Variants in CLIP2 observed in about 807,000 individuals in gnomAD.
CLIP2 encodes CAP-Gly domain-containing linker protein 2.
Under a neutral mutation model 111.7 loss-of-function variants are expected in CLIP2, and 41 were observed. The observed-to-expected ratio is 0.37, with a 90% CI of 0.29 to 0.48. The LOEUF is 0.48. Ranked by LOEUF, CLIP2 falls within the 20% of genes least tolerant of loss-of-function variation. The pLI, the probability that CLIP2 is intolerant of heterozygous loss-of-function variation, is 0.99. For synonymous variants in CLIP2, 660 were observed against 644.2 expected (o/e 1.02, Z -0.37); for missense variants, 1,160 against 1,422.1 (o/e 0.82, Z 2.96).
chr7:74,313,297 C>T (rs782573737), intron 1 of CLIP2, among the ~76,000 whole-genome samples: 12 of 151,710 alleles, frequency 7.9e-5, no homozygotes, highest in Admixed American at 5.3e-4. Flanking sequence ...GAGTGGCTCA[C>T]GCCTGTAATT....
At chr7:74,317,712 G>C (rs55991045) in intron 2 of CLIP2, 45 bp downstream of exon 2, 62,547 of 1,375,616 alleles carry the variant, frequency 0.045, 5,747 homozygotes, top group African/African-American at 0.32. Context: ...CTGGCTACAT[G>C]GGATGAGTGT....
intron 4 of CLIP2, 120 bp from the exon 5 acceptor site, chr7:74,356,290 T>C (rs1554308437): frequency 1.2e-6 from 1 of 810,540 alleles, no homozygotes; most frequent in Admixed American, 2.0e-5. Flanking sequence ...TCTTTCCACA[T>C]GGGCCCCAAG....
chr7:74,349,447 AGT>A lies in CLIP2; in HGVS notation c.679-4432_679-4431del, dbSNP rs1319512568. ...TCTGTCTCAAAAAAAAAAAAAAAAAAGTATGTATGTGTGTGTGTGTGTGTATA... is the reference window on the plus strand; with the variant it reads ...TCTGTCTCAAAAAAAAAAAAAAAAAAATGTATGTGTGTGTGTGTGTGTATA... On this transcript the variant is annotated intron_variant, in intron 3 of 16. Coordinates refer to ENST00000223398, the MANE Select transcript of CLIP2 (RefSeq NM_003388.5). Among the ~76,000 whole-genome samples the A allele has an allele frequency of 1.9e-3, 141 of 75,740 alleles. 10 individuals are homozygous for A. The highest frequency in any genetic ancestry group is 2.8e-3 in the African/African-American group (56 of 20,354). The allele number at this position is 75,740 out of a possible 152,430, so 49.7% of individuals were successfully genotyped here. A position where few individuals can be genotyped will look rare whatever the true frequency, so the allele number is the denominator to read the frequency against.
At chr7:74,386,979 C>T (rs1044519477) in intron 12 of CLIP2, among the ~76,000 whole-genome samples, 2 of 145,972 alleles carry the variant, frequency 1.4e-5, no homozygotes, top group Non-Finnish European at 3.0e-5. Flanking sequence ...GCCGAGATGG[C>T]GCCACTGCAC....
At chr7:74,313,455 G>T (rs984197431) in intron 1 of CLIP2, among the ~76,000 whole-genome samples, 12 of 151,940 alleles carry the variant, frequency 7.9e-5, no homozygotes, top group African/African-American at 2.9e-4. Flanking sequence ...AGTTACTCGG[G>T]AGGCTGAGGC....
intron 2 of CLIP2, among the ~76,000 whole-genome samples, chr7:74,325,634 C>A (rs1313842522): frequency 4.6e-5 from 7 of 152,066 alleles, no homozygotes; most frequent in African/African-American, 1.4e-4. Flanking sequence ...GAGTTTGAGA[C>A]CAGCCTGGCC....
At position 74,339,063 on chromosome 7, in the gene CLIP2, C is replaced by T; in HGVS notation, c.678+59C>T. 3 of 1,508,504 alleles carry T rather than the reference C, an allele frequency of 2.0e-6. No individual in the cohort carries two copies. The East Asian group carries it at 6.8e-5, about 34-fold the overall frequency. 93.4% of individuals were successfully genotyped at this position (1,508,504 alleles called of 1,614,324 possible). ...CTTCCCTTCCCTCCCCTGCTCCGCC[C>T]CACTTGGCGAAGCTGGACCCCCCTG... On this transcript the variant is annotated intron_variant, in intron 3 of 16. Transcript: ENST00000223398.
intron 15 of CLIP2, among the ~76,000 whole-genome samples, chr7:74,401,234 C>T (rs1791610582): frequency 6.6e-6 from 1 of 152,200 alleles, no homozygotes; most frequent in Non-Finnish European, 1.5e-5. Flanking sequence ...GCAGCTCTGT[C>T]CTGGGAACCC....
At position 74,349,460 on chromosome 7, in the gene CLIP2, GT is replaced by G. The variant is rs1789910354; in HGVS notation, c.679-4419del. Among the ~76,000 whole-genome samples, 4 of 78,164 alleles carry G rather than the reference GT, an allele frequency of 5.1e-5. 1 individual carries two copies. The highest frequency in any genetic ancestry group is 1.0e-4 in the Non-Finnish European group (4 of 38,706). 51.3% of individuals were successfully genotyped at this position (78,164 alleles called of 152,430 possible). A position where few individuals can be genotyped will look rare whatever the true frequency, so the allele number is the denominator to read the frequency against. On this transcript the variant is annotated intron_variant, in intron 3 of 16. Coordinates refer to ENST00000223398, the MANE Select transcript of CLIP2 (RefSeq NM_003388.5). ...AAAAAAAAAAAAAGTATGTATGTGT[GT>G]GTGTGTGTGTATATATATATATATA...
Position 74,389,279 on chromosome 7 carries a change from G to T in CLIP2, c.2720+20G>T. 1 of 1,554,434 alleles carries T rather than the reference G, an allele frequency of 6.4e-7. No homozygotes were observed. The highest frequency in any genetic ancestry group is 8.7e-7 in the Non-Finnish European group (1 of 1,151,574). ...GGAGCGGTGAGGCGGCCGTGGGGCC[G>T]GCTGGGTCCTCCCTGTGGCCCTGGC... is the stretch of plus-strand genomic sequence containing the variant. On this transcript the variant is annotated intron_variant, in intron 13 of 16. Transcript: ENST00000223398.
At position 74,364,266 on chromosome 7, in the gene CLIP2, A is replaced by T; in HGVS notation, c.1331A>T (p.Asp444Val). 6.2e-7 allele frequency: 1 copy of T among 1,613,612 alleles called. No individual in the cohort carries two copies. Among genetic ancestry groups the T allele is most frequent in the Non-Finnish European group, 8.5e-7 (1 of 1,179,814 alleles). Residue 444 changes from aspartate to valine, a missense_variant, in exon 8 of 17, where the codon GAT (aspartate) becomes GTT (valine). By Grantham distance (152) the Asp-to-Val change is radical. Coordinates refer to ENST00000223398, the MANE Select transcript of CLIP2 (RefSeq NM_003388.5). ...TCCCTCCCCTGCAGGAAGGTGGAGG[A>T]TCTGCAGTTCCGCGTGGAGGAGGAG... ...QLEEERRKVE[D>V]LQFRVEEESI...
rs782529309 is a variant in CLIP2, at chr7:74,386,543, G to A, written c.2502G>A (p.Lys834=). ...TAGGCCTGCAGGACAAGCTGAACAA[G>A]AGGGACAAAGAGGTGACAGCCTTGA... ...TVEGLQDKLN[K]RDKEVTALTS... The change falls in exon 12 of 17, where the codon AAG becomes AAA. Residue 834 remains lysine, a synonymous_variant. Coordinates refer to ENST00000223398, the MANE Select transcript of CLIP2 (RefSeq NM_003388.5). 27 of 1,611,336 alleles carry A rather than the reference G, an allele frequency of 1.7e-5. No individual in the cohort carries two copies. The highest frequency in any genetic ancestry group is 8.4e-5 in the Admixed American group (5 of 59,482).
At chr7:74,343,530 G>A (rs1789719288) in intron 3 of CLIP2, among the ~76,000 whole-genome samples, 3 of 152,066 alleles carry the variant, frequency 2.0e-5, no homozygotes, top group African/African-American at 7.2e-5. Context: ...TTCTCCATGT[G>A]TCTGTTCAGC....
intron 2 of CLIP2, among the ~76,000 whole-genome samples, chr7:74,319,434 G>C (rs1374387282): frequency 6.6e-6 from 1 of 152,114 alleles, no homozygotes; most frequent in Non-Finnish European, 1.5e-5. Context: ...GTTGGACTTA[G>C]GAGGCGGAGG....
At chr7:74,328,460 T>G (rs1789181362) in intron 2 of CLIP2, among the ~76,000 whole-genome samples, 1 of 151,886 alleles carries the variant, frequency 6.6e-6, no homozygotes, top group Non-Finnish European at 1.5e-5. Flanking sequence ...GGGGAGTTGG[T>G]GTGAGTCCAC....
At chr7:74,369,856 A>G (rs1283600004) in intron 8 of CLIP2, among the ~76,000 whole-genome samples, 1 of 59,522 alleles carries the variant, frequency 1.7e-5, no homozygotes, top group African/African-American at 4.5e-5. Context: ...CTCTGCCTCA[A>G]AAAAAAAAAA....
At chr7:74,385,122 C>CAAAAAAAAAAA (rs71094780) in intron 11 of CLIP2, among the ~76,000 whole-genome samples, 3 of 51,584 alleles carry the variant, frequency 5.8e-5, no homozygotes, top group Non-Finnish European at 7.4e-5. Flanking sequence ...ATTAAAAATA[C>CAAAAAAAAAAA]AAAAAAAAAA....
intron 8 of CLIP2, among the ~76,000 whole-genome samples, chr7:74,371,706 G>C (rs1790630087): frequency 6.8e-6 from 1 of 148,096 alleles, no homozygotes; most frequent in Non-Finnish European, 1.5e-5. Context: ...AGAAGAGAGA[G>C]AAAGTGGGAA....
chr7:74,307,991 A>G (rs916682949), intron 1 of CLIP2, among the ~76,000 whole-genome samples: 2 of 152,240 alleles, frequency 1.3e-5, no homozygotes, highest in African/African-American at 2.4e-5. Flanking sequence ...AGGAGAGACT[A>G]TGGCCCTGCC....
Sources: allele counts gnomAD v4.1 joint callset (sites outside exome capture counted in the v4.1 genomes callset), GRCh38; gene constraint gnomAD v4.1.1; transcripts MANE v1.5; gene names NCBI Gene and HGNC (gene_info 2026-07-23, HGNC 2026-07-21).